The following SAMD4A variants were observed in gnomAD, a reference collection of about 807,000 sequenced individuals.
SAMD4A encodes protein Smaug homolog 1.
In SAMD4A, 33 loss-of-function variants were observed where a neutral mutation model predicts 81.3. The ratio of observed to expected loss-of-function variants is 0.41; its 90% CI spans 0.31 to 0.54. The LOEUF is 0.54. SAMD4A is among the 20% of genes least tolerant of loss of function. The probability of loss-of-function intolerance (pLI) is 0.37; values close to 1 mark genes in which losing one functional copy is unlikely to be tolerated. For synonymous variants in SAMD4A, 389 were observed against 382.1 expected (o/e 1.02, Z -0.21); for missense variants, 854 against 951.1 (o/e 0.90, Z 1.34).
At chr14:54,702,795 G>T (rs767150502) in intron 3 of SAMD4A, 2 of 578,700 alleles carry the variant, frequency 3.5e-6, no homozygotes, top group Non-Finnish European at 6.0e-6. Context: ...GTGACTGATG[G>T]TCCAAATTTG....
At chr14:54,626,202 A>G (rs993186218) in intron 2 of SAMD4A, among the ~76,000 whole-genome samples, 1 of 152,160 alleles carries the variant, frequency 6.6e-6, no homozygotes, top group African/African-American at 2.4e-5. Context: ...AGCACCAGTT[A>G]CAGGGTCATT....
At chr14:54,780,363 G>A (rs1393830151) in intron 11 of SAMD4A, among the ~76,000 whole-genome samples, 1 of 152,168 alleles carries the variant, frequency 6.6e-6, no homozygotes, top group African/African-American at 2.4e-5. Flanking sequence ...TCTGCCATAA[G>A]CACGCTGCAT....
chr14:54,784,500 C>G (rs1434473603), intron 11 of SAMD4A, 37 bp from the exon 12 acceptor site: 1 of 1,613,522 alleles, frequency 6.2e-7, no homozygotes, highest in East Asian at 2.2e-5. Context: ...CTGCTTATCT[C>G]CTCCTTGTCA....
intron 2 of SAMD4A, among the ~76,000 whole-genome samples, chr14:54,610,910 A>G (rs2034335196): frequency 6.6e-6 from 1 of 152,256 alleles, no homozygotes; most frequent in Non-Finnish European, 1.5e-5. Flanking sequence ...TAGAATTAAA[A>G]TAAAAAGCTG....
intron 6 of SAMD4A, among the ~76,000 whole-genome samples, chr14:54,759,935 G>A (rs1359285879): frequency 2.6e-5 from 4 of 152,172 alleles, no homozygotes; most frequent in East Asian, 1.9e-4. Flanking sequence ...GGGATTTTCC[G>A]GTGGTGTGTA....
At position 54,740,578 on chromosome 14, in the gene SAMD4A, C is replaced by T. The variant is rs79858528; in HGVS notation, c.979+3291C>T. Among the ~76,000 whole-genome samples, 333 of 152,310 alleles carry T rather than the reference C, an allele frequency of 2.2e-3. 1 individual carries two copies. Among genetic ancestry groups the T allele is most frequent in the Non-Finnish European group, 4.1e-3 (279 of 68,024 alleles). On this transcript the variant is annotated intron_variant, in intron 4 of 12. Coordinates refer to ENST00000554335, the MANE Select transcript of SAMD4A (RefSeq NM_015589.6). ...TGAAACACTGTGGTAATCATCCATT[C>T]CTTCCTTTCATCTAGCTAGACTGGC...
At chr14:54,582,949 T>A (rs1377339605) in intron 2 of SAMD4A, among the ~76,000 whole-genome samples, 1 of 152,154 alleles carries the variant, frequency 6.6e-6, no homozygotes, top group African/African-American at 2.4e-5. Flanking sequence ...TAAAAGATGT[T>A]TTTTTTCTTT....
At chr14:54,788,604 C>T (rs1036001478) in intron 12 of SAMD4A, among the ~76,000 whole-genome samples, 1 of 152,162 alleles carries the variant, frequency 6.6e-6, no homozygotes, top group East Asian at 1.9e-4. Context: ...GGTACCTACT[C>T]CATTACAGCA....
At chr14:54,786,435 C>G in intron 12 of SAMD4A, among the ~76,000 whole-genome samples, 1 of 152,184 alleles carries the variant, frequency 6.6e-6, no homozygotes, top group East Asian at 1.9e-4. Context: ...TCAAAGGGTG[C>G]AATTTATGAT....
intron 2 of SAMD4A, among the ~76,000 whole-genome samples, chr14:54,601,031 T>C (rs935348653): frequency 2.0e-5 from 3 of 152,202 alleles, no homozygotes; most frequent in African/African-American, 7.2e-5. Flanking sequence ...GAAATTGCCA[T>C]TCCTTGTTTC....
chr14:54,704,786 C>T (rs777506809), intron 3 of SAMD4A, among the ~76,000 whole-genome samples: 2 of 152,214 alleles, frequency 1.3e-5, no homozygotes, highest in Non-Finnish European at 2.9e-5. Flanking sequence ...CATATCAACA[C>T]TTATATGTCA....
chr14:54,630,568 T>A (rs78301107), intron 2 of SAMD4A, among the ~76,000 whole-genome samples: 10 of 152,190 alleles, frequency 6.6e-5, no homozygotes, highest in Non-Finnish European at 8.8e-5. Flanking sequence ...CTTTATATAT[T>A]CTGAGTATTA....
intron 2 of SAMD4A, among the ~76,000 whole-genome samples, chr14:54,639,208 T>C (rs1471139538): frequency 6.6e-6 from 1 of 152,158 alleles, no homozygotes; most frequent in Non-Finnish European, 1.5e-5. Flanking sequence ...CATAAAATAT[T>C]ATATGTAAAG....
At chr14:54,645,824 A>G (rs1272222543) in intron 2 of SAMD4A, among the ~76,000 whole-genome samples, 1 of 152,222 alleles carries the variant, frequency 6.6e-6, no homozygotes, top group East Asian at 1.9e-4. Flanking sequence ...AAGAAATGTT[A>G]TGTCTTGAAA....
chr14:54,619,720 T>C (rs908228580), intron 2 of SAMD4A, among the ~76,000 whole-genome samples: 18 of 152,270 alleles, frequency 1.2e-4, no homozygotes, highest in Admixed American at 2.0e-4. Context: ...TAGCTCCCAC[T>C]GGTAAGTGAG....
intron 2 of SAMD4A, among the ~76,000 whole-genome samples, chr14:54,586,492 C>T (rs1187590): frequency 0.074 from 11,262 of 152,158 alleles, 556 homozygotes; most frequent in Middle Eastern, 0.14. Context: ...TTGATCATGA[C>T]GTCTTTACCT....
chr14:54,568,048 C>T lies in SAMD4A; in HGVS notation c.132C>T (p.Cys44=), dbSNP rs758068824. 1.3e-6 allele frequency: 2 copies of T among 1,598,166 alleles called. No individual in the cohort carries two copies. Among genetic ancestry groups the T allele is most frequent in the Non-Finnish European group, 1.7e-6 (2 of 1,177,536 alleles). ...CCCAGGCCCGCTTCCTCCAGCTCTGCCTGGAGCACTCGCTGGCCGACTGCG... is the reference window on the plus strand; with the variant it reads ...CCCAGGCCCGCTTCCTCCAGCTCTGTCTGGAGCACTCGCTGGCCGACTGCG... ...SQTQARFLQL[C]LEHSLADCAE... Residue 44 remains cysteine, a synonymous_variant, in exon 2 of 13, where the codon TGC becomes TGT. Transcript: ENST00000554335.
intron 2 of SAMD4A, among the ~76,000 whole-genome samples, chr14:54,581,306 G>T (rs1270194453): frequency 6.6e-6 from 1 of 152,206 alleles, no homozygotes; most frequent in Non-Finnish European, 1.5e-5. Context: ...GGTTTTAAAA[G>T]GTTCAGGAAA....
chr14:54,745,993 G>A (rs751671629), intron 4 of SAMD4A, among the ~76,000 whole-genome samples: 8 of 152,186 alleles, frequency 5.3e-5, no homozygotes, highest in Non-Finnish European at 1.2e-4. Context: ...TTTGGACCAT[G>A]GGAAAGGACC....
Sources: allele counts gnomAD v4.1 joint callset (sites outside exome capture counted in the v4.1 genomes callset), GRCh38; gene constraint gnomAD v4.1.1; transcripts MANE v1.5; gene names NCBI Gene and HGNC (gene_info 2026-07-23, HGNC 2026-07-21).